The following SNRPN variants were observed in gnomAD, a reference collection of about 807,000 sequenced individuals.
SNRPN encodes small nuclear ribonucleoprotein polypeptide N.
Under a neutral mutation model 25.2 loss-of-function variants are expected in SNRPN, and 7 were observed. The observed-to-expected ratio is 0.28, with a 90% CI of 0.16 to 0.52. The LOEUF is 0.52. Among genes scored for constraint, SNRPN ranks in the 20% least tolerant of loss-of-function variants. The probability of loss-of-function intolerance (pLI) is 0.96; values close to 1 mark genes in which losing one functional copy is unlikely to be tolerated. For missense variants in SNRPN, 196 were observed against 322.5 expected (o/e 0.61, Z 3.00); for synonymous variants, 124 against 110.6 (o/e 1.12, Z -0.76).
chr15:24,904,528 G>A (rs2058674476), intron 2 of SNRPN, among the ~76,000 whole-genome samples: 1 of 151,808 alleles, frequency 6.6e-6, no homozygotes, highest in African/African-American at 2.4e-5. Flanking sequence ...GGTGCCGCGC[G>A]CCTGTAATCC....
intron 2 of SNRPN, among the ~76,000 whole-genome samples, chr15:24,967,561 G>A (rs1596281997): frequency 6.6e-6 from 1 of 151,934 alleles, no homozygotes; most frequent in East Asian, 1.9e-4. Flanking sequence ...AGAATGGCGT[G>A]AACCCAGGAG....
At chr15:24,844,064 G>A (rs2051964171) in intron 2 of SNRPN, among the ~76,000 whole-genome samples, 2 of 151,896 alleles carry the variant, frequency 1.3e-5, no homozygotes, top group Non-Finnish European at 2.9e-5. Context: ...AGAAAATATG[G>A]GAATCCCCGT....
At chr15:24,886,556 A>G (rs2057222797) in exon 2 of SNRPN, 1 of 152,240 alleles carries the variant, frequency 6.6e-6, no homozygotes, top group Admixed American at 6.5e-5. Context: ...TCAAGTCTCC[A>G]CACAGCTAGC....
At chr15:24,826,312 C>A (rs1288869123) in intron 1 of SNRPN, among the ~76,000 whole-genome samples, 4 of 152,076 alleles carry the variant, frequency 2.6e-5, no homozygotes, top group Non-Finnish European at 5.9e-5. Flanking sequence ...TTCATCTCAA[C>A]ACAAAACTCT....
intron 2 of SNRPN, among the ~76,000 whole-genome samples, chr15:24,833,565 T>C (rs1298470039): frequency 1.3e-5 from 2 of 152,062 alleles, no homozygotes; most frequent in Non-Finnish European, 2.9e-5. Flanking sequence ...TTAAATTGCA[T>C]AGGGAGGGAA....
intron 1 of SNRPN, among the ~76,000 whole-genome samples, chr15:24,868,110 G>GGT (rs200926017): frequency 0.066 from 9,408 of 142,566 alleles, 316 homozygotes; most frequent in African/African-American, 0.09. Context: ...CATGTATATG[G>GGT]GTGTGTGTGT....
At chr15:24,853,809 ATTAC>A (rs2053121565), upstream of SNRPN, among the ~76,000 whole-genome samples, 4 of 152,294 alleles carry the variant, frequency 2.6e-5, no homozygotes, top group African/African-American at 4.8e-5. Context: ...ACCTATTTGA[ATTAC>A]TTCTTATCAG....
At chr15:24,899,314 T>C (rs1245442234) in intron 2 of SNRPN, among the ~76,000 whole-genome samples, 2 of 152,252 alleles carry the variant, frequency 1.3e-5, no homozygotes, top group African/African-American at 2.4e-5. Context: ...AAGAACTGTA[T>C]GCCAATTAAT....
chr15:24,913,030 C>T (rs1189248114), intron 2 of SNRPN, among the ~76,000 whole-genome samples: 1 of 152,138 alleles, frequency 6.6e-6, no homozygotes, highest in Non-Finnish European at 1.5e-5. Flanking sequence ...ACCTCCGCCT[C>T]CTGGGTTCAA....
chr15:24,918,824 G>A lies in SNRPN; in HGVS notation c.-504-1187G>A, dbSNP rs58809101. On this transcript the variant is annotated intron_variant, in intron 2 of 11. Transcript: ENST00000400097. ...TATATATAACAATATATATATGTGC[G>A]CATATATATAATATATATATGCGCA... 1.3e-4 allele frequency among the ~76,000 whole-genome samples: 11 copies of A among 84,088 alleles called. 2 individuals are homozygous for A. The highest frequency in any genetic ancestry group is 3.2e-4 in the African/African-American group (6 of 18,714). The allele number at this position is 84,088 out of a possible 152,430, so 55.2% of individuals were successfully genotyped here.
chr15:24,941,432 C>T (rs923624837), intron 3 of SNRPN, among the ~76,000 whole-genome samples: 6 of 152,142 alleles, frequency 3.9e-5, no homozygotes, highest in Non-Finnish European at 8.8e-5. Context: ...TATGTATTTC[C>T]ATTGTCCTCA....
chr15:24,834,751 C>CTCTATATATATA, intron 2 of SNRPN, among the ~76,000 whole-genome samples: 17 of 60,956 alleles, frequency 2.8e-4, no homozygotes, highest in African/African-American at 4.2e-4. Flanking sequence ...CTCTCTCTCT[C>CTCTATATATATA]TATATATATA....
At chr15:24,934,970 T>C (rs1268979079) in intron 3 of SNRPN, among the ~76,000 whole-genome samples, 1 of 152,148 alleles carries the variant, frequency 6.6e-6, no homozygotes, top group Non-Finnish European at 1.5e-5. Context: ...GGTTTCAGTC[T>C]AGTAGAAGTT....
chr15:24,874,218 G>A (rs2055584680), intron 1 of SNRPN, among the ~76,000 whole-genome samples: 1 of 145,162 alleles, frequency 6.9e-6, no homozygotes, highest in South Asian at 2.2e-4. Context: ...GCTGAGGCAG[G>A]AGAATGGCAT....
intron 1 of SNRPN, among the ~76,000 whole-genome samples, chr15:24,826,250 T>C (rs1427096417): frequency 6.6e-6 from 1 of 152,092 alleles, no homozygotes; most frequent in Non-Finnish European, 1.5e-5. Flanking sequence ...GTTAACACTG[T>C]ACTTGGAGGT....
intron 3 of SNRPN, among the ~76,000 whole-genome samples, chr15:24,923,920 AAC>A (rs2060205463): frequency 4.6e-5 from 4 of 87,798 alleles, no homozygotes; most frequent in Admixed American, 1.6e-4. Flanking sequence ...TGTGTATATA[AAC>A]ATTTTTTTTT....
chr15:24,974,670 G>C, intron 4 of SNRPN: 9 of 628,742 alleles, frequency 1.4e-5, no homozygotes, highest in Non-Finnish European at 2.0e-5. Flanking sequence ...TCCCAGTCTG[G>C]AGTGCAGTGG....
At chr15:24,973,983 A>G in intron 3 of SNRPN, among the ~76,000 whole-genome samples, 1 of 152,216 alleles carries the variant, frequency 6.6e-6, no homozygotes, top group East Asian at 1.9e-4. Context: ...ATGACTTCAT[A>G]TTAATTCTGA....
At chr15:24,889,309 T>G (rs552854229) in intron 2 of SNRPN, among the ~76,000 whole-genome samples, 1 of 152,178 alleles carries the variant, frequency 6.6e-6, no homozygotes, top group African/African-American at 2.4e-5. Context: ...ATTTTTTTAT[T>G]TTTTTATTTT....
Sources: gnomAD v4.1 joint callset for allele counts (sites outside exome capture counted in the v4.1 genomes callset) on GRCh38, gnomAD v4.1.1 for gene constraint, MANE v1.5 for transcripts, NCBI Gene and HGNC (gene_info 2026-07-23, HGNC 2026-07-21) for gene names.